The following CNTN5 variants were observed in gnomAD, a reference collection of about 807,000 sequenced individuals.
CNTN5 encodes the protein contactin-5.
Under a neutral mutation model 129.1 loss-of-function variants are expected in CNTN5, and 77 were observed. The ratio of observed to expected loss-of-function variants is 0.60; its 90% confidence interval spans 0.50 to 0.72. The LOEUF is 0.72. Ranked by LOEUF, CNTN5 falls within the 30% of genes least tolerant of loss-of-function variation. The pLI is 0.00. For synonymous variants in CNTN5, 509 were observed against 465.6 expected, an observed-to-expected ratio of 1.09 and a Z score of -1.20; for missense variants, 1,478 against 1,328.8, an observed-to-expected ratio of 1.11 and a Z score of -1.75.
chr11:99,275,858 A>G (rs984169029), intron 1 of CNTN5, among the ~76,000 whole-genome samples: 8 of 151,694 alleles, frequency 5.3e-5, no homozygotes, highest in African/African-American at 1.9e-4. Context: ...TTTGACCAAA[A>G]AAGTTACAAG....
chr11:100,198,727 A>C (rs1289652010), intron 15 of CNTN5, among the ~76,000 whole-genome samples: 1 of 151,878 alleles, frequency 6.6e-6, no homozygotes, highest in Non-Finnish European at 1.5e-5. Flanking sequence ...GTCACTTCTG[A>C]ATGTCAGAAG....
intron 3 of CNTN5, among the ~76,000 whole-genome samples, chr11:99,672,606 A>T (rs1034130507): frequency 6.6e-5 from 10 of 150,796 alleles, no homozygotes; most frequent in Non-Finnish European, 1.2e-4. Flanking sequence ...AGGAACTGAG[A>T]ATTCCAGAAG....
chr11:99,468,032 A>G (rs1358219851), intron 2 of CNTN5, among the ~76,000 whole-genome samples: 3 of 152,130 alleles, frequency 2.0e-5, no homozygotes, highest in Non-Finnish European at 4.4e-5. Flanking sequence ...GTGTTGAGAT[A>G]TCTTAAATAA....
intron 2 of CNTN5, among the ~76,000 whole-genome samples, chr11:99,490,915 C>T (rs1946009614): frequency 6.6e-6 from 1 of 151,730 alleles, no homozygotes; most frequent in Non-Finnish European, 1.5e-5. Flanking sequence ...TTGAAGTTGC[C>T]CTTGTGTGGG....
chr11:99,383,460 G>T (rs1451002294), intron 2 of CNTN5, among the ~76,000 whole-genome samples: 2 of 152,170 alleles, frequency 1.3e-5, no homozygotes, highest in Non-Finnish European at 2.9e-5. Flanking sequence ...TAGTTAAGTT[G>T]TTGGTTGTTT....
intron 1 of CNTN5, among the ~76,000 whole-genome samples, chr11:99,285,776 G>A (rs1464794547): frequency 1.3e-5 from 2 of 152,024 alleles, no homozygotes; most frequent in East Asian, 3.9e-4. Context: ...GGTGGCTCAT[G>A]CCTGTAATCC....
In CNTN5 at chr11:99,132,506, C is replaced by A. The variant is rs1371179018; in HGVS notation, c.-210+111236C>A. On this transcript the variant is annotated intron_variant, in intron 1 of 24. Coordinates refer to ENST00000524871, the MANE Select transcript of CNTN5 (RefSeq NM_014361.4). The stretch of plus-strand genomic sequence containing the variant: ...ACATGATCCTATATCTAGAAAACCC[C>A]ATTGACTCAGCCCAAAAGCTTCTTT... Among the ~76,000 whole-genome samples, 3 of 152,214 alleles carry A rather than the reference C, an allele frequency of 2.0e-5. No homozygotes were observed. In the East Asian group the frequency reaches 5.8e-4, roughly 29 times the overall value.
intron 3 of CNTN5, among the ~76,000 whole-genome samples, chr11:99,787,412 C>T (rs1215872221): frequency 6.6e-6 from 1 of 150,722 alleles, no homozygotes; most frequent in African/African-American, 2.4e-5. Flanking sequence ...TTTTTTAAAA[C>T]ATTACTTATA....
chr11:100,337,230 GA>G, intron 21 of CNTN5: 1 of 1,540,238 alleles, frequency 6.5e-7, no homozygotes. Flanking sequence ...AAACATATGT[GA>G]AAGTGGCAGG....
In CNTN5 at chr11:99,301,942, A is replaced by T. The variant is rs190619867; in HGVS notation, c.-209-23404A>T. Among the ~76,000 whole-genome samples the T allele has an allele frequency of 9.8e-4, 148 of 151,784 alleles. 1 individual carries two copies. Among genetic ancestry groups the T allele is most frequent in the African/African-American group, 3.4e-3 (143 of 41,526 alleles). On this transcript the variant is annotated intron_variant, in intron 1 of 24. Transcript: ENST00000524871. Reference sequence around the variant, plus strand: ...AAGAGAAGAGAGTTTTAAAAATTGAATATTTGAAAATAAAAAACACACTAC... The same window carrying T: ...AAGAGAAGAGAGTTTTAAAAATTGATTATTTGAAAATAAAAAACACACTAC...
intron 7 of CNTN5, among the ~76,000 whole-genome samples, chr11:99,922,441 G>A (rs980131047): frequency 6.6e-6 from 1 of 152,146 alleles, no homozygotes; most frequent in Non-Finnish European, 1.5e-5. Context: ...ACATTTATTA[G>A]CAATGACTTC....
chr11:99,410,177 T>C (rs1424425696), intron 2 of CNTN5, among the ~76,000 whole-genome samples: 1 of 152,164 alleles, frequency 6.6e-6, no homozygotes, highest in East Asian at 1.9e-4. Flanking sequence ...GAAAAAGAAA[T>C]ACACTCCGTT....
intron 3 of CNTN5, among the ~76,000 whole-genome samples, chr11:99,643,344 C>T (rs746197360): frequency 1.3e-5 from 2 of 152,092 alleles, no homozygotes; most frequent in South Asian, 2.1e-4. Flanking sequence ...CATAATGAGG[C>T]AATACCTTGT....
chr11:100,034,625 A>G (rs1387227360), intron 9 of CNTN5, among the ~76,000 whole-genome samples: 2 of 152,190 alleles, frequency 1.3e-5, no homozygotes, highest in Admixed American at 1.3e-4. Context: ...TTCACGAAAC[A>G]GGTTTAACTG....
At chr11:99,528,858 G>A (rs1462383496) in intron 2 of CNTN5, among the ~76,000 whole-genome samples, 1 of 151,614 alleles carries the variant, frequency 6.6e-6, no homozygotes, top group Non-Finnish European at 1.5e-5. Flanking sequence ...GAGGTCAGGA[G>A]TTCGAGAACA....
At chr11:99,591,491 C>A (rs1431055437) in intron 3 of CNTN5, among the ~76,000 whole-genome samples, 1 of 151,926 alleles carries the variant, frequency 6.6e-6, no homozygotes, top group Admixed American at 6.6e-5. Context: ...GCGCGTGCCA[C>A]CATGCCCGGC....
chr11:99,887,169 C>A (rs1022162016), intron 6 of CNTN5, among the ~76,000 whole-genome samples: 1 of 152,180 alleles, frequency 6.6e-6, no homozygotes, highest in East Asian at 1.9e-4. Flanking sequence ...GTTGGACATG[C>A]ATCTGCACTT....
intron 9 of CNTN5, among the ~76,000 whole-genome samples, chr11:100,011,504 A>G (rs1355666153): frequency 2.0e-5 from 3 of 152,112 alleles, no homozygotes; most frequent in Admixed American, 2.0e-4. Context: ...TTAACACACA[A>G]TCAGATCTGC....
At chr11:99,345,947 A>C (rs1937827363) in intron 2 of CNTN5, among the ~76,000 whole-genome samples, 1 of 152,210 alleles carries the variant, frequency 6.6e-6, no homozygotes, top group Admixed American at 6.5e-5. Context: ...TGAGAGATTA[A>C]TTACATACAT....
Sources: gnomAD v4.1 joint callset for allele counts (sites outside exome capture counted in the v4.1 genomes callset) on GRCh38, gnomAD v4.1.1 for gene constraint, MANE v1.5 for transcripts, NCBI Gene and HGNC (gene_info 2026-07-23, HGNC 2026-07-21) for gene names.